NRDC: variants seen among roughly 807,000 people sequenced by gnomAD.
NRDC encodes the protein nardilysin convertase, also known as nardilysin.
A neutral mutation model predicts 147.1 loss-of-function variants in NRDC; 54 were observed. The observed-to-expected ratio is 0.37, with a 90% confidence interval of 0.29 to 0.46. The LOEUF (loss-of-function observed/expected upper bound fraction) is 0.46, where lower values mean the gene tolerates loss of function less well. NRDC is among the 20% of genes least tolerant of loss of function. The probability of loss-of-function intolerance (pLI) is 1.00; values close to 1 mark genes in which losing one functional copy is unlikely to be tolerated. For synonymous variants in NRDC, 440 were observed against 482.1 expected, an observed-to-expected ratio of 0.91 and a Z score of 1.14; for missense variants, 1,082 against 1,370.6, an observed-to-expected ratio of 0.79 and a Z score of 3.33.
intron 29 of NRDC, 89 bp downstream of exon 29, chr1:51,790,444 A>G: frequency 1.2e-6 from 1 of 821,198 alleles, no homozygotes; most frequent in Admixed American, 2.0e-5. Context: ...TTTCTCTTCC[A>G]CACAATGCTG....
rs1447286706 is a variant in NRDC at position 51,818,104 on chromosome 1, G to A, written c.1323C>T (p.Thr441=). ...VVPIRKIHAL[T]ITWALPPQQQ... ...GTTGAGGAGGAAGTGCCCATGTGAT[G>A]GTCAGAGCATGAATTTTTCTGATTG... Residue 441 remains threonine, a synonymous_variant, in exon 10 of 31, where the codon ACC becomes ACT. Transcript: ENST00000352171. The A allele has an allele frequency of 3.1e-6, 5 of 1,605,092 alleles. No individual in the cohort carries two copies. Among genetic ancestry groups the A allele is most frequent in the East Asian group, 4.5e-5 (2 of 44,586 alleles).
At position 51,840,966 on chromosome 1, in the gene NRDC, C is replaced by G. The variant is rs188801148; in HGVS notation, c.342-452G>C. Reference sequence around the variant, plus strand: ...AGCTTAATATTAAAGCAAAATCACACAAAATTAAACTGCTGATTTTCTTTT... The same window carrying G: ...AGCTTAATATTAAAGCAAAATCACAGAAAATTAAACTGCTGATTTTCTTTT... On this transcript the variant is annotated intron_variant, in intron 1 of 30. Coordinates refer to ENST00000352171, the MANE Select transcript of NRDC (RefSeq NM_001101662.2). Among the ~76,000 whole-genome samples the G allele has an allele frequency of 1.2e-3, 177 of 152,236 alleles. 1 individual carries two copies. Among genetic ancestry groups the G allele is most frequent in the African/African-American group, 4.2e-3 (174 of 41,542 alleles).
At chr1:51,794,931 C>A in intron 22 of NRDC, 77 bp from the exon 23 acceptor site, 3 of 1,598,960 alleles carry the variant, frequency 1.9e-6, no homozygotes, top group South Asian at 2.3e-5. Context: ...TATCAATGTT[C>A]CAATTGCTTG....
At chr1:51,827,570 G>A (rs1011714610) in intron 5 of NRDC, among the ~76,000 whole-genome samples, 12 of 151,900 alleles carry the variant, frequency 7.9e-5, no homozygotes, top group South Asian at 2.1e-4. Context: ...TAAAACCTTC[G>A]AAAAACAAAG....
intron 9 of NRDC, 113 bp downstream of exon 9, chr1:51,819,687 C>T: frequency 1.2e-6 from 1 of 800,016 alleles, no homozygotes; most frequent in Non-Finnish European, 2.0e-6. Context: ...CTTTCCAACC[C>T]AGCTGTATTT....
chr1:51,829,654 A>C (rs1305914364), intron 4 of NRDC, among the ~76,000 whole-genome samples: 4 of 152,168 alleles, frequency 2.6e-5, no homozygotes, highest in African/African-American at 9.7e-5. Context: ...CTACAACTAC[A>C]AGTAAAATAC....
rs776825731 is a variant in NRDC, at chr1:51,878,446, T to C, written c.170A>G (p.Lys57Arg). Residue 57 changes from lysine (K) to arginine (R), a missense_variant, in exon 1 of 31, where the codon AAG becomes AGG. Coordinates refer to ENST00000352171, the MANE Select transcript of NRDC (RefSeq NM_001101662.2). ...ILAMPGRNKA[K>R]STCSCPDLQP... Reference sequence around the variant, plus strand: ...CAGGTCAGGGCAGCTGCAGGTAGACTTCGCCTTGTTCCTTCCAGGCATGGC... The same window carrying C: ...CAGGTCAGGGCAGCTGCAGGTAGACCTCGCCTTGTTCCTTCCAGGCATGGC... 4 of 1,614,070 alleles carry C rather than the reference T, an allele frequency of 2.5e-6. No individual in the cohort carries two copies. The South Asian group carries it at 4.4e-5, about 18-fold the overall frequency.
intron 1 of NRDC, among the ~76,000 whole-genome samples, chr1:51,868,743 G>C (rs892835494): frequency 6.6e-6 from 1 of 151,938 alleles, no homozygotes; most frequent in East Asian, 1.9e-4. Context: ...GTGGTGGTGC[G>C]TGCCTGTCGT....
rs370594245 is a variant in NRDC, at chr1:51,793,699, T to A, written c.2775+773A>T. ...CCACCCAAAGCCCAGTCAGGGATCT[T>A]CACAAGACCTGACAAAGAAGTGAAT... On this transcript the variant is annotated intron_variant, in intron 24 of 30. Transcript: ENST00000352171. Among the ~76,000 whole-genome samples, 4 of 152,264 alleles carry A rather than the reference T, an allele frequency of 2.6e-5. No individual in the cohort carries two copies. In the East Asian group the frequency reaches 7.7e-4, roughly 29 times the overall value.
chr1:51,869,849 T>C (rs1682999578), intron 1 of NRDC, among the ~76,000 whole-genome samples: 1 of 152,246 alleles, frequency 6.6e-6, no homozygotes, highest in Non-Finnish European at 1.5e-5. Context: ...TTTGCACTTC[T>C]GTAACCTGTC....
chr1:51,826,233 C>T (rs183869331), intron 5 of NRDC, among the ~76,000 whole-genome samples: 169 of 152,300 alleles, frequency 1.1e-3, no homozygotes, highest in African/African-American at 4.0e-3. Context: ...GCTCAACAAC[C>T]TTGAGGAAGT....
chr1:51,874,158 A>G (rs191200728), intron 1 of NRDC, among the ~76,000 whole-genome samples: 131 of 151,626 alleles, frequency 8.6e-4, no homozygotes, highest in Non-Finnish European at 1.4e-3. Flanking sequence ...AAAAAAAAAA[A>G]AAGAAGTTTA....
intron 1 of NRDC, among the ~76,000 whole-genome samples, chr1:51,851,678 C>T (rs1681956970): frequency 2.0e-5 from 3 of 152,038 alleles, no homozygotes; most frequent in Admixed American, 2.0e-4. Context: ...TCAGGCATCT[C>T]TCTAAACAAT....
chr1:51,837,599 G>T, intron 2 of NRDC: 2 of 1,544,708 alleles, frequency 1.3e-6, no homozygotes, highest in Non-Finnish European at 1.8e-6. Flanking sequence ...TTTGACCACA[G>T]CAAAAACAGG....
chr1:51,858,446 A>T (rs1682363608), intron 1 of NRDC, among the ~76,000 whole-genome samples: 1 of 150,246 alleles, frequency 6.7e-6, no homozygotes, highest in South Asian at 2.1e-4. Context: ...TGCCTTTGTG[A>T]TTACACAGAG....
chr1:51,869,830 T>C (rs1433167811), intron 1 of NRDC, among the ~76,000 whole-genome samples: 1 of 152,246 alleles, frequency 6.6e-6, no homozygotes, highest in Non-Finnish European at 1.5e-5. Flanking sequence ...ATTTGTAGTA[T>C]TTGTATCATT....
At chr1:51,794,432 G>A (rs1327637688) in intron 24 of NRDC, 40 bp downstream of exon 24, 1 of 1,604,158 alleles carries the variant, frequency 6.2e-7, no homozygotes, top group Non-Finnish European at 8.5e-7. Context: ...TGATCCCCAG[G>A]CACTGGGCCT....
rs1229478714 is a variant in NRDC at position 51,834,129 on chromosome 1, A to C, written c.754T>G (p.Phe252Val). ...CCATGCTTCTTCAGGAAGGCATCAA[A>C]TCCATTCTCATCTGGATATTTCAAA... is the stretch of plus-strand genomic sequence containing the variant. ...GSLKYPDENG[F>V]DAFLKKHGGS... is the part of the protein sequence containing the mutation. The change falls in exon 4 of 31, where the codon TTT becomes GTT. Residue 252 changes from phenylalanine to valine, a missense_variant. By Grantham distance (50) the Phe-to-Val change is conservative. Coordinates refer to ENST00000352171, the MANE Select transcript of NRDC (RefSeq NM_001101662.2). 6.2e-7 allele frequency: 1 copy of C among 1,614,072 alleles called. No individual in the cohort carries two copies. Among genetic ancestry groups the C allele is most frequent in the Non-Finnish European group, 8.5e-7 (1 of 1,179,996 alleles).
At chr1:51,855,383 A>G (rs1682184187) in intron 1 of NRDC, among the ~76,000 whole-genome samples, 1 of 152,148 alleles carries the variant, frequency 6.6e-6, no homozygotes, top group Admixed American at 6.5e-5. Context: ...CAGTTCTATA[A>G]CAGAGCTAAA....
Sources: gnomAD v4.1 joint callset for allele counts (sites outside exome capture counted in the v4.1 genomes callset) on GRCh38, gnomAD v4.1.1 for gene constraint, MANE v1.5 for transcripts, NCBI Gene and HGNC (gene_info 2026-07-23, HGNC 2026-07-21) for gene names.